Variants in IL1RAPL1 observed in about 807,000 individuals in gnomAD.
IL1RAPL1 encodes the protein interleukin 1 receptor accessory protein like 1, also known as interleukin-1 receptor accessory protein-like 1.
Under a neutral mutation model 48.4 loss-of-function variants are expected in IL1RAPL1, and 3 were observed. That is an observed-to-expected ratio of 0.06 (90% CI 0.03 to 0.16). The LOEUF (loss-of-function observed/expected upper bound fraction) is 0.16. Ranked by LOEUF, IL1RAPL1 falls within the 10% of genes least tolerant of loss-of-function variation. The pLI, the probability that IL1RAPL1 is intolerant of heterozygous loss-of-function variation, is 1.00. For synonymous variants in IL1RAPL1, 185 were observed against 187.7 expected (o/e 0.99, Z 0.12); for missense variants, 349 against 530.6 (o/e 0.66, Z 3.36).
intron 2 of IL1RAPL1, among the ~76,000 whole-genome samples, chrX:28,930,983 G>C (rs1346138515): frequency 9.0e-6 from 1 of 110,719 alleles, no homozygotes; most frequent in Non-Finnish European, 1.9e-5. Context: ...GGAGGTGTTT[G>C]GGTTTTCAAG....
chrX:29,187,669 T>TAA lies in IL1RAPL1; in HGVS notation c.83-95263_83-95262dup, dbSNP rs144005297. On this transcript the variant is annotated intron_variant, in intron 2 of 10. Transcript: ENST00000378993. ...CCAAAGTACCTCTACTTGCAAGACT[T>TAA]AAAAAAATGTGAGCAATTCAAGAAG... 2.7e-5 allele frequency among the ~76,000 whole-genome samples: 3 copies of TAA among 109,411 alleles called. No individual in the cohort carries two copies. In the South Asian group the frequency reaches 1.2e-3, roughly 44 times the overall value.
intron 5 of IL1RAPL1, among the ~76,000 whole-genome samples, chrX:29,492,082 T>C (rs1935164636): frequency 8.9e-6 from 1 of 112,130 alleles, no homozygotes; most frequent in Non-Finnish European, 1.9e-5. Flanking sequence ...ATCCTAATTC[T>C]CATTCTGACC....
At chrX:29,122,409 T>TCTCA (rs60632925) in intron 2 of IL1RAPL1, among the ~76,000 whole-genome samples, 212 of 64,587 alleles carry the variant, frequency 3.3e-3, no homozygotes, top group South Asian at 0.012. Flanking sequence ...TCTCTCTCTC[T>TCTCA]CACACACACA....
intron 2 of IL1RAPL1, among the ~76,000 whole-genome samples, chrX:28,951,236 A>G (rs1269050508): frequency 9.3e-6 from 1 of 107,864 alleles, no homozygotes; most frequent in East Asian, 3.0e-4. Context: ...ACTAATCTGC[A>G]CAATGTGCAC....
intron 5 of IL1RAPL1, among the ~76,000 whole-genome samples, chrX:29,453,455 T>C (rs1417803036): frequency 9.0e-6 from 1 of 111,700 alleles, no homozygotes; most frequent in Non-Finnish European, 1.9e-5. Context: ...ATTGTGTTTG[T>C]AGCTTACTTT....
At chrX:28,850,940 A>G (rs1921645956) in intron 2 of IL1RAPL1, among the ~76,000 whole-genome samples, 1 of 104,848 alleles carries the variant, frequency 9.5e-6, no homozygotes, top group African/African-American at 3.6e-5. Context: ...GCCAACCAGT[A>G]TGGAAAAGTA....
At chrX:29,462,720 G>T (rs1934817091) in intron 5 of IL1RAPL1, among the ~76,000 whole-genome samples, 1 of 111,446 alleles carries the variant, frequency 9.0e-6, no homozygotes, top group South Asian at 3.8e-4. Context: ...AGTCAGTTTG[G>T]CCTTAAAACT....
At chrX:29,952,556 C>T (rs1471080809) in intron 9 of IL1RAPL1, among the ~76,000 whole-genome samples, 2 of 111,299 alleles carry the variant, frequency 1.8e-5, no homozygotes, top group African/African-American at 3.3e-5. Context: ...AATTATTAAC[C>T]GATATTATGT....
chrX:29,350,143 A>G (rs965618401), intron 3 of IL1RAPL1, among the ~76,000 whole-genome samples: 13 of 94,164 alleles, frequency 1.4e-4, no homozygotes, highest in Non-Finnish European at 2.2e-4. Flanking sequence ...TCTAAGTAGC[A>G]TGGAGAAGAA....
intron 6 of IL1RAPL1, among the ~76,000 whole-genome samples, chrX:29,826,064 G>A (rs956048526): frequency 2.7e-5 from 3 of 111,430 alleles, no homozygotes; most frequent in Non-Finnish European, 3.8e-5. Flanking sequence ...CCCAAAGAAA[G>A]AGAACTAATA....
At chrX:29,206,352 T>G (rs1340110042) in intron 2 of IL1RAPL1, among the ~76,000 whole-genome samples, 1 of 111,669 alleles carries the variant, frequency 9.0e-6, no homozygotes, top group Non-Finnish European at 1.9e-5. Context: ...TTCTTCTGAT[T>G]CATAACTCGC....
intron 3 of IL1RAPL1, among the ~76,000 whole-genome samples, chrX:29,344,271 G>A (rs1933120866): frequency 8.9e-6 from 1 of 111,931 alleles, no homozygotes; most frequent in South Asian, 3.7e-4. Flanking sequence ...AGAAAGCCAT[G>A]TTGCTTTGAA....
chrX:29,940,341 C>A (rs1933107024), intron 8 of IL1RAPL1, among the ~76,000 whole-genome samples: 2 of 111,494 alleles, frequency 1.8e-5, no homozygotes, highest in Non-Finnish European at 3.8e-5. Flanking sequence ...GATCTGATAA[C>A]CTGAGGGTAC....
intron 6 of IL1RAPL1, among the ~76,000 whole-genome samples, chrX:29,861,045 G>T (rs144122977): frequency 8.9e-6 from 1 of 112,015 alleles, no homozygotes; most frequent in Non-Finnish European, 1.9e-5. Context: ...TTTCTAAAGA[G>T]CTCAGGAGTT....
At chrX:29,703,488 G>A (rs12008202) in intron 6 of IL1RAPL1, among the ~76,000 whole-genome samples, 12,591 of 109,579 alleles carry the variant, frequency 0.11, 1,216 homozygotes, top group African/African-American at 0.31. Context: ...GACTACAGGC[G>A]CCCGCCACCA....
intron 2 of IL1RAPL1, among the ~76,000 whole-genome samples, chrX:29,109,341 T>G (rs1928515166): frequency 9.6e-6 from 1 of 104,217 alleles, no homozygotes; most frequent in Admixed American, 1.1e-4. Context: ...CTATAAAACA[T>G]GAAGATTAAG....
chrX:29,145,053 A>G (rs992324258), intron 2 of IL1RAPL1, among the ~76,000 whole-genome samples: 1 of 111,089 alleles, frequency 9.0e-6, no homozygotes, highest in Non-Finnish European at 1.9e-5. Flanking sequence ...AAGAGTGTAA[A>G]TGTAATCTAA....
chrX:29,229,393 T>C (rs1385969021), intron 2 of IL1RAPL1, among the ~76,000 whole-genome samples: 1 of 110,530 alleles, frequency 9.0e-6, no homozygotes, highest in Admixed American at 9.6e-5. Context: ...CCATTCTGTA[T>C]GATAATTTTT....
intron 5 of IL1RAPL1, among the ~76,000 whole-genome samples, chrX:29,480,285 C>CATATATATATAT (rs1180845228): frequency 4.1e-4 from 23 of 56,693 alleles, no homozygotes; most frequent in African/African-American, 2.4e-3. Flanking sequence ...TATACACACA[C>CATATATATATAT]ATATACATAT....
Sources: allele counts gnomAD v4.1 joint callset (sites outside exome capture counted in the v4.1 genomes callset), GRCh38; gene constraint gnomAD v4.1.1; transcripts MANE v1.5; gene names NCBI Gene and HGNC (gene_info 2026-07-23, HGNC 2026-07-21).